SERPINB8: variants seen among roughly 807,000 people sequenced by gnomAD.
The protein encoded by SERPINB8 is serpin family B member 8.
SERPINB8 carries 25 observed loss-of-function variants against 35.3 expected under a neutral mutation model. The ratio of observed to expected loss-of-function variants is 0.71; its 90% CI spans 0.52 to 0.99. The LOEUF (loss-of-function observed/expected upper bound fraction) is 0.99, where lower values mean the gene tolerates loss of function less well. Ranked by LOEUF, SERPINB8 falls within the 50% of genes least tolerant of loss-of-function variation. The probability of loss-of-function intolerance (pLI) is 0.00; values close to 1 mark genes in which losing one functional copy is unlikely to be tolerated. For synonymous variants in SERPINB8, 186 were observed against 160.8 expected (o/e 1.16, Z -1.19); for missense variants, 484 against 446.5 (o/e 1.08, Z -0.76).
At chr18:64,001,359 A>G (rs1243009322) in intron 1 of SERPINB8, among the ~76,000 whole-genome samples, 1 of 152,168 alleles carries the variant, frequency 6.6e-6, no homozygotes, top group Non-Finnish European at 1.5e-5. Flanking sequence ...TTAGTATGTG[A>G]ATTATATCTC....
intron 7 of SERPINB8, among the ~76,000 whole-genome samples, chr18:64,015,068 C>T (rs1230447376): frequency 2.0e-5 from 3 of 152,088 alleles, no homozygotes; most frequent in African/African-American, 7.2e-5. Flanking sequence ...TTCTTTTTGC[C>T]CATTATTCTT....
At chr18:63,996,067 G>T (rs1342247009) in intron 1 of SERPINB8, among the ~76,000 whole-genome samples, 2 of 150,816 alleles carry the variant, frequency 1.3e-5, no homozygotes, top group African/African-American at 4.9e-5. Flanking sequence ...GGTTTTAGCT[G>T]CTTGATAATA....
intron 7 of SERPINB8, among the ~76,000 whole-genome samples, chr18:64,014,250 A>G (rs1395550657): frequency 6.6e-6 from 1 of 152,224 alleles, no homozygotes; most frequent in East Asian, 1.9e-4. Context: ...AGAATGTACC[A>G]GGATAGGTAT....
At chr18:64,005,075 T>C in exon 2 of SERPINB8, 1 of 387,152 alleles carries the variant, frequency 2.6e-6, no homozygotes, top group East Asian at 3.7e-5. Context: ...AAAGAAGACA[T>C]TCAAATGTCC....
At chr18:63,985,739 T>A (rs2050743885) in intron 6 of SERPINB8, among the ~76,000 whole-genome samples, 1 of 152,156 alleles carries the variant, frequency 6.6e-6, no homozygotes, top group Non-Finnish European at 1.5e-5. Context: ...AAGTCTAAAG[T>A]ACAGGTGGGA....
chr18:64,008,970 G>A (rs908318910), downstream of SERPINB8, among the ~76,000 whole-genome samples: 3 of 152,098 alleles, frequency 2.0e-5, no homozygotes, highest in Non-Finnish European at 4.4e-5. Context: ...TATATAAAGA[G>A]GTTAGCTCAG....
chr18:64,013,822 T>C (rs1228311699), intron 7 of SERPINB8, among the ~76,000 whole-genome samples: 1 of 152,186 alleles, frequency 6.6e-6, no homozygotes, highest in Non-Finnish European at 1.5e-5. Flanking sequence ...TGGTGAAAGA[T>C]GATGCTTATT....
At chr18:63,993,995 C>T (rs1198313695), downstream of SERPINB8, among the ~76,000 whole-genome samples, 1 of 152,154 alleles carries the variant, frequency 6.6e-6, no homozygotes, top group African/African-American at 2.4e-5. Context: ...CTTGAAGACA[C>T]TCTCTTGCAC....
At chr18:63,977,965 C>T (rs1438389835) in intron 1 of SERPINB8, among the ~76,000 whole-genome samples, 1 of 152,154 alleles carries the variant, frequency 6.6e-6, no homozygotes, top group African/African-American at 2.4e-5. Flanking sequence ...TCAGTGGCCC[C>T]TATCCCTCTG....
At chr18:63,972,001 T>C (rs2050491102) in intron 1 of SERPINB8, among the ~76,000 whole-genome samples, 1 of 151,998 alleles carries the variant, frequency 6.6e-6, no homozygotes, top group South Asian at 2.1e-4. Flanking sequence ...CTTTTTTCTT[T>C]TTTTTTTTGA....
rs748019551 is a variant in SERPINB8 at position 63,981,776 on chromosome 18, T to G, written c.362T>G (p.Phe121Cys). Reference protein sequence around the residue: ...FYQAELEELSFAEDTEECRKH... With the variant: ...FYQAELEELSCAEDTEECRKH... ...CAGGCAGAGCTGGAGGAGTTGTCCT[T>G]TGCTGAAGACACTGAAGAGTGCAGG... The change falls in exon 4 of 7, where the codon TTT becomes TGT. Residue 121 changes from phenylalanine to cysteine, a missense_variant. Coordinates refer to ENST00000397985, the MANE Select transcript of SERPINB8 (RefSeq NM_002640.4). The G allele has an allele frequency of 1.5e-5, 24 of 1,614,020 alleles. No individual in the cohort carries two copies. Among genetic ancestry groups the G allele is most frequent in the Non-Finnish European group, 1.9e-5 (23 of 1,179,912 alleles).
intron 1 of SERPINB8, among the ~76,000 whole-genome samples, chr18:63,976,505 G>A (rs1012871042): frequency 6.6e-6 from 1 of 152,182 alleles, no homozygotes; most frequent in Non-Finnish European, 1.5e-5. Flanking sequence ...TGGCTTCCAG[G>A]TCTTTGAGAG....
chr18:64,012,343 ATTAT>A (rs1327172866), intron 7 of SERPINB8, among the ~76,000 whole-genome samples: 2 of 152,090 alleles, frequency 1.3e-5, no homozygotes, highest in East Asian at 1.9e-4. Flanking sequence ...AATTTATTTA[ATTAT>A]TTATTTCCTT....
Position 63,987,766 on chromosome 18 carries a change from G to C in SERPINB8, c.*488G>C, listed in dbSNP as rs975964181. On this transcript the variant is annotated 3_prime_UTR_variant, in exon 7 of 7. Transcript: ENST00000397985. ...GATCTGCTTCTGTCACTGTCACATA[G>C]ACAGCCCTGCATGCCCCCTGTCTCA... The C allele has an allele frequency of 2.6e-5, 4 of 155,296 alleles. No homozygotes were observed. Among genetic ancestry groups the C allele is most frequent in the African/African-American group, 9.6e-5 (4 of 41,484 alleles). 9.6% of individuals were successfully genotyped at this position (155,296 alleles called of 1,614,324 possible). A position where few individuals can be genotyped will look rare whatever the true frequency, so the allele number is the denominator to read the frequency against.
intron 7 of SERPINB8, among the ~76,000 whole-genome samples, chr18:64,018,606 C>A (rs1223011079): frequency 1.3e-5 from 2 of 150,958 alleles, no homozygotes; most frequent in African/African-American, 4.9e-5. Flanking sequence ...CATTTTAATT[C>A]TTTACTTTTG....
intron 6 of SERPINB8, among the ~76,000 whole-genome samples, chr18:63,985,622 T>C (rs926390400): frequency 6.6e-6 from 1 of 152,216 alleles, no homozygotes; most frequent in African/African-American, 2.4e-5. Context: ...ATTCTAGTGA[T>C]CTTGTTAAAG....
Position 63,996,518 on chromosome 18 carries a change from A to G in SERPINB8, c.71-8301A>G, listed in dbSNP as rs543343825. ...TGGAATGGGTTGCAATCCACCTTTA[A>G]TGTCCTTTCACAAAGTGACCTAAAT... On this transcript the variant is annotated intron_variant, in intron 1 of 1. Coordinates refer to the SERPINB8 transcript ENST00000493661. Among the ~76,000 whole-genome samples, 193 of 152,254 alleles carry G rather than the reference A, an allele frequency of 1.3e-3. 1 individual carries two copies. Among genetic ancestry groups the G allele is most frequent in the Non-Finnish European group, 2.0e-3 (138 of 67,964 alleles).
chr18:64,005,519 C>A (rs1473723844), exon 2 of SERPINB8: 1 of 152,152 alleles, frequency 6.6e-6, no homozygotes. Flanking sequence ...CTACCTTGCC[C>A]CTCTGCCATG....
At chr18:63,986,609 G>A (rs747536275) in intron 6 of SERPINB8, 27 of 1,317,560 alleles carry the variant, frequency 2.0e-5, no homozygotes, top group Non-Finnish European at 2.6e-5. Flanking sequence ...CATTTGAAAG[G>A]AGTTAGGTAC....
Sources: gnomAD v4.1 joint callset for allele counts (sites outside exome capture counted in the v4.1 genomes callset) on GRCh38, gnomAD v4.1.1 for gene constraint, MANE v1.5 for transcripts, NCBI Gene and HGNC (gene_info 2026-07-23, HGNC 2026-07-21) for gene names.